Variants in OSBPL9 observed in about 807,000 individuals in gnomAD.
OSBPL9 encodes the protein oxysterol binding protein like 9, also known as oxysterol-binding protein-related protein 9.
OSBPL9 carries 40 observed loss-of-function variants against 106.6 expected under a neutral mutation model. That is an observed-to-expected ratio of 0.38 (90% CI 0.29 to 0.49). The LOEUF (loss-of-function observed/expected upper bound fraction) is 0.49. Ranked by LOEUF, OSBPL9 falls within the 20% of genes least tolerant of loss-of-function variation. The pLI is 0.97. For missense variants in OSBPL9, 609 were observed against 887.2 expected, an observed-to-expected ratio of 0.69 and a Z score of 3.98; for synonymous variants, 269 against 295.4, an observed-to-expected ratio of 0.91 and a Z score of 0.92.
intron 3 of OSBPL9, among the ~76,000 whole-genome samples, chr1:51,690,113 T>G (rs1282071761): frequency 6.6e-6 from 1 of 152,202 alleles, no homozygotes; most frequent in African/African-American, 2.4e-5. Flanking sequence ...ATTTCAAAAT[T>G]AAGAAATAAT....
chr1:51,581,692 G>A (rs1319450943), intron 1 of OSBPL9, among the ~76,000 whole-genome samples: 1 of 152,138 alleles, frequency 6.6e-6, no homozygotes, highest in Non-Finnish European at 1.5e-5. Context: ...GTCTCACCCT[G>A]TCACCCAGGC....
intron 1 of OSBPL9, among the ~76,000 whole-genome samples, chr1:51,637,084 C>T (rs1008067096): frequency 2.0e-5 from 3 of 152,182 alleles, no homozygotes; most frequent in African/African-American, 7.2e-5. Flanking sequence ...GACTGTGGTA[C>T]AAATGTACCT....
chr1:51,782,967 A>G (rs1021186566), intron 17 of OSBPL9, among the ~76,000 whole-genome samples: 1 of 152,210 alleles, frequency 6.6e-6, no homozygotes, highest in African/African-American at 2.4e-5. Context: ...AGTGATACGT[A>G]GTTTCTACAC....
chr1:51,628,065 T>G, intron 1 of OSBPL9, among the ~76,000 whole-genome samples: 1 of 152,250 alleles, frequency 6.6e-6, no homozygotes, highest in Middle Eastern at 3.4e-3. Context: ...TCAATTTTTT[T>G]TTTTTTTTGG....
At chr1:51,621,362 C>T (rs184221823) in intron 1 of OSBPL9, among the ~76,000 whole-genome samples, 4 of 152,218 alleles carry the variant, frequency 2.6e-5, no homozygotes, top group Admixed American at 6.5e-5. Context: ...CTGTGGCCAG[C>T]GCCAGTAATC....
At chr1:51,738,806 C>T (rs1416402147) in intron 4 of OSBPL9, among the ~76,000 whole-genome samples, 9 of 151,790 alleles carry the variant, frequency 5.9e-5, no homozygotes, top group African/African-American at 1.2e-4. Flanking sequence ...GTTCTTGATT[C>T]GTTTTGTTTT....
At chr1:51,616,878 T>C, upstream of OSBPL9, 1 of 588,424 alleles carries the variant, frequency 1.7e-6, no homozygotes, top group Non-Finnish European at 2.8e-6. Flanking sequence ...TGACAGATTA[T>C]AAATAATCTT....
intron 16 of OSBPL9, among the ~76,000 whole-genome samples, chr1:51,782,149 G>A (rs1676527436): frequency 6.6e-6 from 1 of 152,110 alleles, no homozygotes; most frequent in African/African-American, 2.4e-5. Context: ...ATGTAAAAAG[G>A]CTTTAAGAAG....
At chr1:51,655,963 G>C (rs1468261143) in intron 2 of OSBPL9, among the ~76,000 whole-genome samples, 8 of 152,216 alleles carry the variant, frequency 5.3e-5, no homozygotes, top group African/African-American at 1.9e-4. Flanking sequence ...AACTGCCGAG[G>C]CTTTTAGTCA....
chr1:51,617,152 C>A lies in OSBPL9; in HGVS notation c.42C>A (p.Asn14Lys). 1 of 1,613,210 alleles carries A rather than the reference C, an allele frequency of 6.2e-7. No individual in the cohort carries two copies. The highest frequency in any genetic ancestry group is 8.5e-7 in the Non-Finnish European group (1 of 1,179,576). The change falls in exon 1 of 24, where the codon AAC becomes AAA. Residue 14 changes from asparagine (N) to lysine (K), a missense_variant. This residue lies in a region of OSBPL9 where 30 missense variants were observed against 21.8 expected (regional missense o/e 1.37). Transcript: ENST00000428468. ...AAGGGCCGCTGAGCAAATGGACTAA[C>A]GTGATGAAGGGCTGGCAGTACCGTT... ...IMEGPLSKWTNVMKGWQYRWF... is the reference protein window; with the variant it reads ...IMEGPLSKWTKVMKGWQYRWF...
chr1:51,598,503 C>A (rs1645313314), intron 2 of OSBPL9, among the ~76,000 whole-genome samples: 1 of 152,218 alleles, frequency 6.6e-6, no homozygotes, highest in South Asian at 2.1e-4. Context: ...GGATGCTTAG[C>A]AGTGTCTCTG....
chr1:51,660,293 G>A (rs1325127949), intron 2 of OSBPL9, among the ~76,000 whole-genome samples: 1 of 152,092 alleles, frequency 6.6e-6, no homozygotes, highest in Non-Finnish European at 1.5e-5. Flanking sequence ...GCAAATATTT[G>A]TGGATTTGAC....
intron 3 of OSBPL9, among the ~76,000 whole-genome samples, chr1:51,682,989 A>G (rs1020698762): frequency 3.5e-4 from 53 of 151,120 alleles, no homozygotes; most frequent in African/African-American, 1.3e-3. Flanking sequence ...CAATTCTCCT[A>G]CCTTAGCCTC....
intron 2 of OSBPL9, among the ~76,000 whole-genome samples, chr1:51,661,237 C>A (rs1191613661): frequency 4.6e-5 from 7 of 152,146 alleles, no homozygotes; most frequent in African/African-American, 1.7e-4. Context: ...TCAGAGGAGT[C>A]ATCATTCTTT....
At chr1:51,681,928 G>A (rs978789766) in intron 3 of OSBPL9, among the ~76,000 whole-genome samples, 1 of 152,148 alleles carries the variant, frequency 6.6e-6, no homozygotes, top group African/African-American at 2.4e-5. Context: ...TTGGCTGGGC[G>A]TGGTGACTCA....
intron 14 of OSBPL9, 137 bp downstream of exon 14, chr1:51,772,860 T>C: frequency 1.4e-6 from 1 of 693,728 alleles, no homozygotes; most frequent in South Asian, 1.7e-5. Context: ...AATATAGATG[T>C]AGATAAGTAA....
chr1:51,719,572 G>A (rs2148906844), intron 4 of OSBPL9, among the ~76,000 whole-genome samples: 1 of 151,946 alleles, frequency 6.6e-6, no homozygotes, highest in African/African-American at 2.4e-5. Flanking sequence ...TTCCTATATT[G>A]TAAAAAATAT....
chr1:51,772,501 A>T (rs1385639609), intron 13 of OSBPL9, 104 bp from the exon 14 acceptor site: 8 of 956,122 alleles, frequency 8.4e-6, no homozygotes, highest in Non-Finnish European at 1.4e-5. Flanking sequence ...GGGCGAAAGA[A>T]TGAGACTCCA....
chr1:51,671,354 A>G (rs977997633), intron 3 of OSBPL9, among the ~76,000 whole-genome samples: 4 of 152,250 alleles, frequency 2.6e-5, no homozygotes, highest in African/African-American at 4.8e-5. Context: ...AATTTTAGCT[A>G]TATATGTGAA....
Sources: allele counts gnomAD v4.1 joint callset (sites outside exome capture counted in the v4.1 genomes callset), GRCh38; gene constraint gnomAD v4.1.1; regional missense constraint gnomAD v4.1.1; transcripts MANE v1.5; gene names NCBI Gene and HGNC (gene_info 2026-07-23, HGNC 2026-07-21).